Variants in STK40 observed in about 807,000 individuals in gnomAD.
STK40 encodes the protein serine/threonine-protein kinase 40.
Under a neutral mutation model 47.9 loss-of-function variants are expected in STK40, and 13 were observed. The ratio of observed to expected loss-of-function variants is 0.27; its 90% CI spans 0.18 to 0.43. The LOEUF (loss-of-function observed/expected upper bound fraction) is 0.43. Among genes scored for constraint, STK40 ranks in the 20% least tolerant of loss-of-function variants. STK40 has a pLI of 1.00. For missense variants in STK40, 460 were observed against 595.1 expected, an observed-to-expected ratio of 0.77 and a Z score of 2.36; for synonymous variants, 225 against 243.2, an observed-to-expected ratio of 0.93 and a Z score of 0.69.
chr1:36,385,888 C>A lies in STK40; in HGVS notation c.-174G>T. The A allele has an allele frequency of 5.8e-6, 1 of 171,980 alleles. No homozygotes were observed. The highest frequency in any genetic ancestry group is 1.4e-4 in the South Asian group (1 of 7,046). 10.7% of individuals were successfully genotyped at this position (171,980 alleles called of 1,614,324 possible). A position where few individuals can be genotyped will look rare whatever the true frequency, so the allele number is the denominator to read the frequency against. On this transcript the variant is annotated 5_prime_UTR_variant, in exon 1 of 11. In the 5' UTR this introduces an upstream ATG that the reference lacks. Coordinates refer to ENST00000373132, the MANE Select transcript of STK40 (RefSeq NM_001282547.2). Reference sequence around the variant, plus strand: ...CGCCGCCGCCGCCGCCGCCGCCTCCCTCCATGGCTGCGGCGCCGCCACCTG... The same window carrying A: ...CGCCGCCGCCGCCGCCGCCGCCTCCATCCATGGCTGCGGCGCCGCCACCTG...
intron 1 of STK40, among the ~76,000 whole-genome samples, chr1:36,361,938 G>T (rs1011706426): frequency 2.0e-5 from 3 of 152,032 alleles, no homozygotes; most frequent in Admixed American, 6.6e-5. Context: ...TTGACTCTCT[G>T]GTCCTCTCAG....
At chr1:36,377,093 C>T (rs1255328058) in intron 1 of STK40, among the ~76,000 whole-genome samples, 10 of 152,002 alleles carry the variant, frequency 6.6e-5, no homozygotes. Flanking sequence ...AAGTGGACAC[C>T]TCCAGTCAAT....
chr1:36,344,759 C>T lies in STK40; in HGVS notation c.740-495G>A, dbSNP rs115718669. 2.8e-3 allele frequency among the ~76,000 whole-genome samples: 419 copies of T among 152,336 alleles called. 4 individuals carry two copies. Among genetic ancestry groups the T allele is most frequent in the African/African-American group, 9.6e-3 (397 of 41,566 alleles). ...GTTCTCAGGTGCAGGTGCCTCCCTG[C>T]GGTGTTCACTGCTGAGCCCCAGTGC... On this transcript the variant is annotated intron_variant, in intron 7 of 10. Transcript: ENST00000373132.
intron 1 of STK40, among the ~76,000 whole-genome samples, chr1:36,371,333 T>A (rs909901159): frequency 2.6e-5 from 4 of 151,034 alleles, no homozygotes; most frequent in Admixed American, 2.0e-4. Context: ...GGCGGGTGGA[T>A]CATGAGGTCA....
At chr1:36,368,413 G>C (rs1482533952) in intron 1 of STK40, among the ~76,000 whole-genome samples, 1 of 152,070 alleles carries the variant, frequency 6.6e-6, no homozygotes, top group African/African-American at 2.4e-5. Context: ...ACCATACCTG[G>C]CTAATTTTTA....
intron 10 of STK40, chr1:36,342,444 C>T (rs555544373): frequency 4.5e-4 from 82 of 184,212 alleles, no homozygotes; most frequent in Middle Eastern, 2.5e-3. Flanking sequence ...GTGGTGTCCC[C>T]GTGCCAGTCA....
intron 6 of STK40, among the ~76,000 whole-genome samples, chr1:36,350,515 A>G (rs149750082): frequency 2.0e-5 from 3 of 152,288 alleles, no homozygotes; most frequent in African/African-American, 7.2e-5. Flanking sequence ...TGCTCTGTGA[A>G]TCTCTTGCTA....
intron 4 of STK40, among the ~76,000 whole-genome samples, chr1:36,357,655 C>T (rs1406987131): frequency 1.3e-5 from 2 of 152,182 alleles, no homozygotes; most frequent in East Asian, 1.9e-4. Context: ...CTCGCTCTGT[C>T]ACCCAGGCTG....
intron 7 of STK40, among the ~76,000 whole-genome samples, chr1:36,345,987 A>ATTTTTTTTTTTTTTT (rs1397972473): frequency 5.8e-5 from 1 of 17,268 alleles, no homozygotes; most frequent in Non-Finnish European, 1.1e-4. Flanking sequence ...ATATATATAT[A>ATTTTTTTTTTTTTTT]TATATTTTTT....
At chr1:36,343,111 T>C in intron 10 of STK40, 1 of 639,490 alleles carries the variant, frequency 1.6e-6, no homozygotes, top group Non-Finnish European at 2.9e-6. Flanking sequence ...CTGGGCCACT[T>C]GGGCACTGGC....
Position 36,343,896 on chromosome 1 carries a change from T to G in STK40, c.968A>C (p.Asp323Ala), listed in dbSNP as rs764022157. ...GATGGCACTGAGGGCCTCCAGGACGTCGGCGGCGGCCAGGCGCTGCTGGGG... is the reference window on the plus strand; with the variant it reads ...GATGGCACTGAGGGCCTCCAGGACGGCGGCGGCGGCCAGGCGCTGCTGGGG... ...LDPQQRLAAA[D>A]VLEALSAIIA... The change falls in exon 9 of 11, where the codon GAC becomes GCC. Residue 323 changes from aspartate (D) to alanine (A), a missense_variant. This residue lies in a region of STK40 where 181 missense variants were observed against 218.9 expected (regional missense o/e 0.83). Transcript: ENST00000373132. 19 of 1,606,016 alleles carry G rather than the reference T, an allele frequency of 1.2e-5. No individual in the cohort carries two copies. Among genetic ancestry groups the G allele is most frequent in the East Asian group, 9.0e-5 (4 of 44,682 alleles).
chr1:36,344,038 T>A, intron 8 of STK40, 59 bp from the exon 9 acceptor site: 1 of 1,589,272 alleles, frequency 6.3e-7, no homozygotes, highest in Non-Finnish European at 8.6e-7. Context: ...GTGGCCAGGA[T>A]GCCCAGGCTC....
intron 7 of STK40, among the ~76,000 whole-genome samples, chr1:36,345,001 C>T (rs1243202421): frequency 6.6e-6 from 1 of 152,250 alleles, no homozygotes; most frequent in African/African-American, 2.4e-5. Flanking sequence ...CACATGGCTG[C>T]TCAGTGGGCC....
chr1:36,348,750 A>G lies in STK40; in HGVS notation c.689T>C (p.Leu230Pro). 1 of 1,611,240 alleles carries G rather than the reference A, an allele frequency of 6.2e-7. No homozygotes were observed. The highest frequency in any genetic ancestry group is 1.7e-5 in the Admixed American group (1 of 59,750). The change falls in exon 7 of 11, where the codon CTG (leucine) becomes CCG (proline). Residue 230 changes from leucine (L) to proline (P), a missense_variant. Transcript: ENST00000373132. The stretch of plus-strand genomic sequence containing the variant: ...GGCAGGGCTCCCTCTCTGGTCCTTC[A>G]GCAGGTCCCCCTCGCTCACCAGATG... ...GKHLVSEGDL[L>P]KDQRGSPAYI...
rs372975560 is a variant in STK40 at position 36,343,425 on chromosome 1, C to T, written c.1028G>A (p.Gly343Glu). The T allele has an allele frequency of 6.2e-7, 1 of 1,613,450 alleles. No homozygotes were observed. Among genetic ancestry groups the T allele is most frequent in the African/African-American group, 1.3e-5 (1 of 74,918 alleles). The change falls in exon 10 of 11, where the codon GGG becomes GAG. Residue 343 changes from glycine to glutamate, a missense_variant. By Grantham distance (98) the Gly-to-Glu change is moderately conservative. Transcript: ENST00000373132. ...ASWQSLSSLSGPLQVVPDIDD... is the reference protein window; with the variant it reads ...ASWQSLSSLSEPLQVVPDIDD... ...AATGTCAGGAACCACTTGCAAAGGC[C>T]CACTCAGAGATGACAGGGACTGCCT... is the stretch of plus-strand genomic sequence containing the variant.
At chr1:36,380,061 G>C (rs1262649994) in intron 1 of STK40, among the ~76,000 whole-genome samples, 1 of 152,202 alleles carries the variant, frequency 6.6e-6, no homozygotes, top group African/African-American at 2.4e-5. Context: ...ATGTGCCAAA[G>C]TGGAACTATC....
chr1:36,384,735 C>A (rs1038544255), intron 1 of STK40, among the ~76,000 whole-genome samples: 2 of 152,180 alleles, frequency 1.3e-5, no homozygotes, highest in African/African-American at 2.4e-5. Flanking sequence ...CTAGATTAAC[C>A]CAACCAACAA....
At chr1:36,371,895 G>A (rs575123796) in intron 1 of STK40, among the ~76,000 whole-genome samples, 2 of 151,224 alleles carry the variant, frequency 1.3e-5, no homozygotes, top group East Asian at 4.0e-4. Context: ...CTACTTGGGA[G>A]GCTGAGGCAG....
At chr1:36,376,846 G>A (rs978718063) in intron 1 of STK40, among the ~76,000 whole-genome samples, 5 of 148,940 alleles carry the variant, frequency 3.4e-5, no homozygotes, top group African/African-American at 7.4e-5. Context: ...GTACAATCTC[G>A]GCTCATTGTA....
Sources: allele counts gnomAD v4.1 joint callset (sites outside exome capture counted in the v4.1 genomes callset), GRCh38; gene constraint gnomAD v4.1.1; regional missense constraint gnomAD v4.1.1; transcripts MANE v1.5; gene names NCBI Gene and HGNC (gene_info 2026-07-23, HGNC 2026-07-21).